The following NOBOX variants were observed in gnomAD, a reference collection of about 807,000 sequenced individuals.
The protein encoded by NOBOX is NOBOX oogenesis homeobox.
A neutral mutation model predicts 60.2 loss-of-function variants in NOBOX; 46 were observed. The observed-to-expected ratio is 0.76, with a 90% CI of 0.60 to 0.98. The LOEUF (loss-of-function observed/expected upper bound fraction) is 0.98. Ranked by LOEUF, NOBOX falls within the 50% of genes least tolerant of loss-of-function variation. The pLI, the probability that NOBOX is intolerant of heterozygous loss-of-function variation, is 0.00. For missense variants in NOBOX, 880 were observed against 865.5 expected (o/e 1.02, Z -0.21); for synonymous variants, 360 against 346.3 (o/e 1.04, Z -0.44).
In NOBOX at chr7:144,403,363, G is replaced by T. The variant is rs139626134; in HGVS notation, c.210+1193C>A. Among the ~76,000 whole-genome samples the T allele has an allele frequency of 1.5e-3, 223 of 152,236 alleles. 1 individual carries two copies. Among genetic ancestry groups the T allele is most frequent in the African/African-American group, 5.1e-3 (212 of 41,536 alleles). On this transcript the variant is annotated intron_variant, in intron 2 of 9. Coordinates refer to ENST00000467773, the MANE Select transcript of NOBOX (RefSeq NM_001080413.3). ...TGATGTGCGCTAGTAAGAAGGGGAC[G>T]GGTGTCAGACCTAAGACTAGAAGGG...
chr7:144,407,858 G>T (rs917439463), intron 1 of NOBOX, among the ~76,000 whole-genome samples: 2 of 152,212 alleles, frequency 1.3e-5, no homozygotes, highest in African/African-American at 4.8e-5. Flanking sequence ...CAAGAATGGT[G>T]ACTGTGTTTT....
intron 1 of NOBOX, among the ~76,000 whole-genome samples, chr7:144,405,553 G>A (rs1312168932): frequency 6.6e-6 from 1 of 152,162 alleles, no homozygotes; most frequent in African/African-American, 2.4e-5. Flanking sequence ...ATGAGCTGTG[G>A]AGTTTACCAC....
intron 9 of NOBOX, among the ~76,000 whole-genome samples, 175 bp from the exon 8 acceptor site, chr7:144,397,716 C>G (rs994992800): frequency 6.6e-6 from 1 of 152,210 alleles, no homozygotes; most frequent in Non-Finnish European, 1.5e-5. Context: ...ACCACACAGG[C>G]TCCAGCACTC....
chr7:144,403,348 T>C (rs2053956534), intron 2 of NOBOX, among the ~76,000 whole-genome samples: 1 of 152,110 alleles, frequency 6.6e-6, no homozygotes, highest in Non-Finnish European at 1.5e-5. Flanking sequence ...TGATGTGCGC[T>C]AGTAAGAAGG....
intron 1 of NOBOX, among the ~76,000 whole-genome samples, chr7:144,405,201 C>T (rs540934571): frequency 2.0e-5 from 3 of 152,270 alleles, no homozygotes; most frequent in South Asian, 4.2e-4. Flanking sequence ...AGGCGGATAG[C>T]TTCTGTTTTA....
intron 2 of NOBOX, among the ~76,000 whole-genome samples, chr7:144,403,147 G>A (rs544868270): frequency 3.3e-5 from 5 of 152,300 alleles, no homozygotes; most frequent in South Asian, 2.1e-4. Flanking sequence ...GGCTGGACCC[G>A]ACTTGCATGA....
chr7:144,403,739 G>A (rs776186550), intron 2 of NOBOX, 46 bp from the exon 1 acceptor site: 1 of 690,692 alleles, frequency 1.4e-6, no homozygotes, highest in South Asian at 1.5e-5. Context: ...GCACAGGCGC[G>A]GCCTAATGAA....
intron 2 of NOBOX, among the ~76,000 whole-genome samples, chr7:144,404,050 G>T (rs958874645): frequency 6.6e-6 from 1 of 152,080 alleles, no homozygotes; most frequent in Non-Finnish European, 1.5e-5. Context: ...GGTCTTCGGG[G>T]GGCTGGGCCC....
Position 144,399,388 on chromosome 7 carries a change from G to T in NOBOX, c.1240+9C>A. On this transcript the variant is annotated intron_variant, in intron 7 of 9. Coordinates refer to ENST00000467773, the MANE Select transcript of NOBOX (RefSeq NM_001080413.3). ...CCATTTTCCCCCAGCTCTGAAGGTG[G>T]GAACTCACCTGGAAAGGTATCCAGA... is the stretch of plus-strand genomic sequence containing the variant. The T allele has an allele frequency of 6.4e-7, 1 of 1,562,382 alleles. No homozygotes were observed.
chr7:144,396,933 G>A (rs146369613), downstream of NOBOX, among the ~76,000 whole-genome samples: 80 of 152,136 alleles, frequency 5.3e-4, 1 homozygote, highest in East Asian at 0.015. Context: ...TACTGCTTAC[G>A]GTGGACACTC....
At chr7:144,398,020 C>T (rs981473887) in intron 9 of NOBOX, among the ~76,000 whole-genome samples, 1 of 152,178 alleles carries the variant, frequency 6.6e-6, no homozygotes, top group Non-Finnish European at 1.5e-5. Context: ...GAAACTGAGA[C>T]TCAGGAGAGC....
rs765059051 is a variant in NOBOX at position 144,400,123 on chromosome 7, G to A, written c.1034C>T (p.Ser345Leu). ...TTCAGCTCCTACCCAGGCTACCGCTGAGCGCTCACTCTGCAATTCGAGTGT... is the reference window on the plus strand; with the variant it reads ...TTCAGCTCCTACCCAGGCTACCGCTAAGCGCTCACTCTGCAATTCGAGTGT... The change falls in exon 5 of 10, where the codon TCA (serine) becomes TTA (leucine). Residue 345 changes from serine (S) to leucine (L), a missense_variant. By Grantham distance (145) the Ser-to-Leu change is moderately radical. Coordinates refer to ENST00000467773, the MANE Select transcript of NOBOX (RefSeq NM_001080413.3). 25 of 1,612,928 alleles carry A rather than the reference G, an allele frequency of 1.5e-5. No homozygotes were observed. In the East Asian group the frequency reaches 4.9e-4, roughly 32 times the overall value.
At chr7:144,399,230 G>A (rs561781819) in intron 7 of NOBOX, 52 bp from the exon 6 acceptor site, 197 of 1,007,880 alleles carry the variant, frequency 2.0e-4, no homozygotes, top group South Asian at 1.4e-3. Context: ...TGGGAGGCAG[G>A]TTTGGCATCG....
Position 144,401,340 on chromosome 7 carries a change from C to T in NOBOX, c.550G>A (p.Asp184Asn). ...ACCTCTCCCACTGGGAGGGAACAAT[C>T]TTCCCCCTGAGTCTGGGGCCTGGAG... The change falls in exon 4 of 10, where the codon GAT (aspartate) becomes AAT (asparagine). Residue 184 changes from aspartate (D) to asparagine (N), a missense_variant. Coordinates refer to ENST00000467773, the MANE Select transcript of NOBOX (RefSeq NM_001080413.3). This position sits in a 1 kb window ranked among gnomAD's most constrained non-coding sequence, Gnocchi z 4.2. 1 of 1,613,808 alleles carries T rather than the reference C, an allele frequency of 6.2e-7. No individual in the cohort carries two copies. Among genetic ancestry groups the T allele is most frequent in the Non-Finnish European group, 8.5e-7 (1 of 1,179,798 alleles).
chr7:144,403,755 G>A (rs897863540), intron 2 of NOBOX, 62 bp from the exon 1 acceptor site: 6 of 659,914 alleles, frequency 9.1e-6, no homozygotes, highest in Non-Finnish European at 1.6e-5. Context: ...ATGAAGCCTC[G>A]CCGGGCGGGC....
intron 2 of NOBOX, among the ~76,000 whole-genome samples, chr7:144,402,508 A>G (rs1284020776): frequency 6.6e-6 from 1 of 152,162 alleles, no homozygotes; most frequent in Non-Finnish European, 1.5e-5. Flanking sequence ...GTCCAAGATC[A>G]CACAGCACCC....
intron 1 of NOBOX, chr7:144,410,067 A>G (rs2054011160): frequency 3.2e-6 from 3 of 939,058 alleles, no homozygotes; most frequent in Non-Finnish European, 3.3e-6. Flanking sequence ...TCCTCAGTGT[A>G]TGGGAAGACA....
intron 1 of NOBOX, among the ~76,000 whole-genome samples, chr7:144,407,627 G>A (rs2053994738): frequency 6.6e-6 from 1 of 152,238 alleles, no homozygotes; most frequent in South Asian, 2.1e-4. Flanking sequence ...AAAGTGAATG[G>A]TCCCAGAGAC....
intron 1 of NOBOX, among the ~76,000 whole-genome samples, chr7:144,408,484 G>C (rs2054000945): frequency 6.6e-6 from 1 of 152,162 alleles, no homozygotes; most frequent in Admixed American, 6.5e-5. Context: ...TTCAGGCCCG[G>C]TGCTTTCTTC....
Sources: gnomAD v4.1 joint callset for allele counts (sites outside exome capture counted in the v4.1 genomes callset) on GRCh38, gnomAD v4.1.1 for gene constraint, Gnocchi (gnomAD v3.1) non-coding constraint, MANE v1.5 for transcripts, NCBI Gene and HGNC (gene_info 2026-07-23, HGNC 2026-07-21) for gene names.